The following DEPDC1B variants were observed in gnomAD, a reference collection of about 807,000 sequenced individuals.
DEPDC1B encodes the protein DEP domain containing 1B.
Under a neutral mutation model 66.5 loss-of-function variants are expected in DEPDC1B, and 51 were observed. That is an observed-to-expected ratio of 0.77 (90% confidence interval 0.61 to 0.97). DEPDC1B has a LOEUF of 0.97. Among genes scored for constraint, DEPDC1B ranks in the 50% least tolerant of loss-of-function variants. DEPDC1B has a pLI of 0.00. For missense variants in DEPDC1B, 552 were observed against 637.1 expected, an observed-to-expected ratio of 0.87 and a Z score of 1.44; for synonymous variants, 226 against 223.6, an observed-to-expected ratio of 1.01 and a Z score of -0.10.
rs190833339 is a variant in DEPDC1B, at chr5:60,652,330, G to C, written c.315-4797C>G. Among the ~76,000 whole-genome samples the C allele has an allele frequency of 1.3e-5, 2 of 149,208 alleles. 1 individual carries two copies. Among genetic ancestry groups the C allele is most frequent in the East Asian group, 4.1e-4 (2 of 4,838 alleles). On this transcript the variant is annotated intron_variant, in intron 2 of 10. Coordinates refer to ENST00000265036, the MANE Select transcript of DEPDC1B (RefSeq NM_018369.3). Reference sequence around the variant, plus strand: ...ATCCTCCACCAGTCAGCCAAAACCGGTCTGGAGATGGTGGTCAGTTTTTAG... The same window carrying C: ...ATCCTCCACCAGTCAGCCAAAACCGCTCTGGAGATGGTGGTCAGTTTTTAG...
intron 2 of DEPDC1B, among the ~76,000 whole-genome samples, chr5:60,655,568 G>T (rs530472932): frequency 6.7e-6 from 1 of 149,004 alleles, no homozygotes; most frequent in African/African-American, 2.5e-5. Context: ...TCTTTCCAAA[G>T]AACCAGCTTT....
intron 5 of DEPDC1B, among the ~76,000 whole-genome samples, chr5:60,643,203 G>T (rs1397538526): frequency 6.6e-6 from 1 of 152,034 alleles, no homozygotes; most frequent in Non-Finnish European, 1.5e-5. Context: ...AAAAAGAAAA[G>T]AAAAAATATT....
chr5:60,669,189 A>G (rs1189939520), intron 2 of DEPDC1B, among the ~76,000 whole-genome samples: 1 of 152,232 alleles, frequency 6.6e-6, no homozygotes, highest in Non-Finnish European at 1.5e-5. Flanking sequence ...TTATTACCTA[A>G]TAAATCAATA....
At chr5:60,659,583 C>T (rs1002887901) in intron 2 of DEPDC1B, among the ~76,000 whole-genome samples, 3 of 152,186 alleles carry the variant, frequency 2.0e-5, no homozygotes, top group Non-Finnish European at 2.9e-5. Flanking sequence ...GCTGTCATCC[C>T]GAACTCCTGG....
At chr5:60,680,651 A>G (rs928278104) in intron 2 of DEPDC1B, among the ~76,000 whole-genome samples, 1 of 152,200 alleles carries the variant, frequency 6.6e-6, no homozygotes, top group Non-Finnish European at 1.5e-5. Flanking sequence ...CTCTTTTGCT[A>G]TATTTATATA....
intron 7 of DEPDC1B, 119 bp from the exon 8 acceptor site, chr5:60,605,975 A>C: frequency 1.2e-6 from 1 of 858,764 alleles, no homozygotes; most frequent in Admixed American, 3.1e-5. Context: ...CACATATTCA[A>C]CTATACTGGG....
rs1753348362 is a variant in DEPDC1B at position 60,647,517 on chromosome 5, G to A, written c.331C>T (p.Pro111Ser). Residue 111 changes from proline to serine, a missense_variant, in exon 3 of 11, where the codon CCC (proline) becomes TCC (serine). Pro to Ser is a moderately conservative substitution (Grantham distance 74). Coordinates refer to ENST00000265036, the MANE Select transcript of DEPDC1B (RefSeq NM_018369.3). Reference sequence around the variant, plus strand: ...GGCTTCTTTGGATATGGTTTCAGGGGTGAAGAAGGAGGAAATCTAAAACCC... The same window carrying A: ...GGCTTCTTTGGATATGGTTTCAGGGATGAAGAAGGAGGAAATCTAAAACCC... The part of the protein sequence containing the change: ...RHLYRFPPSS[P>S]LKPYPKKPPN... 6.2e-7 allele frequency: 1 copy of A among 1,611,238 alleles called. No individual in the cohort carries two copies.
chr5:60,621,480 A>T (rs1284952248), intron 7 of DEPDC1B, among the ~76,000 whole-genome samples: 6 of 151,944 alleles, frequency 3.9e-5, no homozygotes, highest in Admixed American at 3.3e-4. Context: ...CACTCATTGA[A>T]CAATGAGAAC....
intron 7 of DEPDC1B, among the ~76,000 whole-genome samples, chr5:60,612,528 C>CAAAAAAA (rs35196065): frequency 1.2e-4 from 11 of 90,198 alleles, no homozygotes; most frequent in East Asian, 3.1e-4. Context: ...GAGATCTGCT[C>CAAAAAAA]AAAAAAAAAA....
At chr5:60,606,387 T>A (rs752264487) in intron 7 of DEPDC1B, among the ~76,000 whole-genome samples, 2 of 152,138 alleles carry the variant, frequency 1.3e-5, no homozygotes, top group Non-Finnish European at 2.9e-5. Flanking sequence ...ATAACCCTTC[T>A]TTCCACTTAG....
chr5:60,659,889 C>T (rs11745077), intron 2 of DEPDC1B, among the ~76,000 whole-genome samples: 83,358 of 151,904 alleles, frequency 0.55, 23,456 homozygotes, highest in East Asian at 0.77. Context: ...GTCTTGTCCC[C>T]GGTGTCCCTC....
intron 2 of DEPDC1B, among the ~76,000 whole-genome samples, chr5:60,677,349 C>G (rs916418030): frequency 2.0e-5 from 3 of 146,520 alleles, no homozygotes; most frequent in Non-Finnish European, 3.1e-5. Flanking sequence ...CTCTCTCTCT[C>G]TCTCTCTCTC....
intron 7 of DEPDC1B, among the ~76,000 whole-genome samples, chr5:60,621,466 T>C (rs1752699735): frequency 6.6e-6 from 1 of 151,924 alleles, no homozygotes; most frequent in Non-Finnish European, 1.5e-5. Context: ...ACACCTCATA[T>C]TCTCACTCAT....
At chr5:60,620,632 A>G (rs1450460274) in intron 7 of DEPDC1B, among the ~76,000 whole-genome samples, 1 of 152,210 alleles carries the variant, frequency 6.6e-6, no homozygotes, top group Non-Finnish European at 1.5e-5. Context: ...TTAAAAAGTC[A>G]GGAAACAACA....
At chr5:60,658,926 C>T (rs915707233) in intron 2 of DEPDC1B, among the ~76,000 whole-genome samples, 4 of 152,210 alleles carry the variant, frequency 2.6e-5, no homozygotes, top group South Asian at 2.1e-4. Context: ...TCCACCCCTC[C>T]GGATCCAGCA....
At position 60,604,218 on chromosome 5, in the gene DEPDC1B, C is replaced by CTTTTTTT. The variant is rs869142199; in HGVS notation, c.1066-658_1066-652dup. On this transcript the variant is annotated intron_variant, in intron 8 of 10. Coordinates refer to ENST00000265036, the MANE Select transcript of DEPDC1B (RefSeq NM_018369.3). Reference sequence around the variant, plus strand: ...TTCCATAGAATTGAAATTAACTATTCTTTTTTTTTTTTTTTTTTTTTTTAC... The same window carrying CTTTTTTT: ...TTCCATAGAATTGAAATTAACTATTCTTTTTTTTTTTTTTTTTTTTTTTTTTTTTTAC... Among the ~76,000 whole-genome samples the CTTTTTTT allele has an allele frequency of 2.2e-4, 15 of 68,954 alleles. 4 individuals carry two copies. Among genetic ancestry groups the CTTTTTTT allele is most frequent in the South Asian group, 5.2e-4 (1 of 1,916 alleles). The allele number at this position is 68,954 out of a possible 152,430, so 45.2% of individuals were successfully genotyped here.
intron 2 of DEPDC1B, among the ~76,000 whole-genome samples, chr5:60,680,846 T>A (rs1754281269): frequency 6.6e-6 from 1 of 152,070 alleles, no homozygotes; most frequent in Non-Finnish European, 1.5e-5. Flanking sequence ...TTCACTAATA[T>A]ATTTGATAAA....
At chr5:60,601,428 A>G (rs1041517200) in intron 9 of DEPDC1B, among the ~76,000 whole-genome samples, 3 of 152,256 alleles carry the variant, frequency 2.0e-5, no homozygotes, top group Non-Finnish European at 1.5e-5. Context: ...ACACTCTCTT[A>G]TACCACTGAC....
intron 2 of DEPDC1B, among the ~76,000 whole-genome samples, chr5:60,664,214 C>T (rs1753785872): frequency 6.6e-6 from 1 of 152,204 alleles, no homozygotes; most frequent in South Asian, 2.1e-4. Flanking sequence ...GGAGTCCTTA[C>T]ACATGTCCGA....
Sources: gnomAD v4.1 joint callset for allele counts (sites outside exome capture counted in the v4.1 genomes callset) on GRCh38, gnomAD v4.1.1 for gene constraint, MANE v1.5 for transcripts, NCBI Gene and HGNC (gene_info 2026-07-23, HGNC 2026-07-21) for gene names.